The following EPHA2 variants were observed in gnomAD, a reference collection of about 807,000 sequenced individuals.
The protein encoded by EPHA2 is EPH receptor A2, also known as ephrin type-A receptor 2.
EPHA2 carries 54 observed loss-of-function variants against 104.9 expected under a neutral mutation model. The observed-to-expected ratio is 0.51, with a 90% CI of 0.41 to 0.65. The LOEUF (loss-of-function observed/expected upper bound fraction) is 0.65, where lower values mean the gene tolerates loss of function less well. EPHA2 is among the 30% of genes least tolerant of loss of function. The probability of loss-of-function intolerance (pLI) is 0.00; values close to 1 mark genes in which losing one functional copy is unlikely to be tolerated. For missense variants in EPHA2, 1,117 were observed against 1,369.5 expected (o/e 0.82, Z 2.91); for synonymous variants, 560 against 559.1 (o/e 1.00, Z -0.02).
At chr1:16,140,108 G>A (rs2024794544) in intron 3 of EPHA2, among the ~76,000 whole-genome samples, 1 of 152,326 alleles carries the variant, frequency 6.6e-6, no homozygotes, top group East Asian at 1.9e-4. Flanking sequence ...AGGGGAACAG[G>A]ACTCAAAGGA....
Position 16,125,272 on chromosome 1 carries a change from G to A in EPHA2, c.2874C>T (p.Ile958=), listed in dbSNP as rs3754334. 0.27 allele frequency: 440,172 copies of A among 1,613,100 alleles called. 62,352 individuals carry two copies. The highest frequency in any genetic ancestry group is 0.35 in the South Asian group (32,273 of 91,006). Residue 958 remains isoleucine (I), a synonymous_variant, in exon 17 of 17, where the codon ATC becomes ATT. Transcript: ENST00000358432. The surrounding 1 kb of genome is among the most constrained non-coding windows in gnomAD (Gnocchi z 4.9). ...CCTTGAGTCCCAGCAGGCTGTAGGC[G>A]ATGCGCTTCTGGTGGCCGGGCAGCC... is the stretch of plus-strand genomic sequence containing the variant. ...GVRLPGHQKR[I]AYSLLGLKDQ...
chr1:16,130,268 C>T lies in EPHA2; in HGVS notation c.2627G>A (p.Arg876His), dbSNP rs35903225. 0.024 allele frequency: 38,075 copies of T among 1,613,878 alleles called. 560 individuals carry two copies. Among genetic ancestry groups the T allele is most frequent in the Non-Finnish European group, 0.028 (33,441 of 1,179,856 alleles). Residue 876 changes from arginine to histidine, a missense_variant, in exon 15 of 17, where the codon CGT becomes CAT. Arg to His is a conservative substitution (Grantham distance 29, BLOSUM62 0). This residue lies in a region of EPHA2 where 340 missense variants were observed against 480.5 expected (regional missense o/e 0.71). Coordinates refer to ENST00000358432, the MANE Select transcript of EPHA2 (RefSeq NM_004431.5). The surrounding 1 kb of genome is among the most constrained non-coding windows in gnomAD (Gnocchi z 4.5). ...DIVSILDKLI[R>H]APDSLKTLAD... ...CAGGGTCTTGAGGGAGTCAGGGGCA[C>T]GAATGAGCTTGTCCAGGATGCTGAC...
At position 16,150,462 on chromosome 1, in the gene EPHA2, A is replaced by C. The variant is rs1195009512; in HGVS notation, c.153+434T>G. 1.3e-5 allele frequency among the ~76,000 whole-genome samples: 2 copies of C among 152,206 alleles called. No individual in the cohort carries two copies. The highest frequency in any genetic ancestry group is 2.9e-5 in the Non-Finnish European group (2 of 68,042). On this transcript the variant is annotated intron_variant, in intron 2 of 16. Coordinates refer to ENST00000358432, the MANE Select transcript of EPHA2 (RefSeq NM_004431.5). The surrounding 1 kb of genome is among the most constrained non-coding windows in gnomAD (Gnocchi z 4.8). ...TAGAGGTGGGAAAGGGGCGGGCAGG[A>C]AGGAACTTGATCAGGTTTTCCTGTT...
intron 3 of EPHA2, among the ~76,000 whole-genome samples, chr1:16,143,940 G>A (rs2024877722): frequency 6.6e-6 from 1 of 152,116 alleles, no homozygotes; most frequent in Non-Finnish European, 1.5e-5. Flanking sequence ...CTGCCCCCAG[G>A]GCCTGACGGC....
Position 16,131,534 on chromosome 1 carries a change from C to T in EPHA2, c.2475+187G>A, listed in dbSNP as rs1251496293. 6.6e-6 allele frequency among the ~76,000 whole-genome samples: 1 copy of T among 151,836 alleles called. No individual in the cohort carries two copies. Among genetic ancestry groups the T allele is most frequent in the Non-Finnish European group, 1.5e-5 (1 of 68,002 alleles). On this transcript the variant is annotated intron_variant, in intron 14 of 16. Transcript: ENST00000358432. This position sits in a 1 kb window ranked among gnomAD's most constrained non-coding sequence, Gnocchi z 5.2. ...GGTGGAGGTTGCAGTGAACTGAGAT[C>T]ATGCCAGTGAACTCCAGCCTGGGCA...
At position 16,130,137 on chromosome 1, in the gene EPHA2, C is replaced by G. The variant is rs536642070; in HGVS notation, c.2669+89G>C. Reference sequence around the variant, plus strand: ...TAGCCCCCAGCACCCCCCCTACCAGCTTCACCTGGGTGGCCACTCTACCGA... The same window carrying G: ...TAGCCCCCAGCACCCCCCCTACCAGGTTCACCTGGGTGGCCACTCTACCGA... On this transcript the variant is annotated intron_variant, in intron 15 of 16. Transcript: ENST00000358432. The surrounding 1 kb of genome is among the most constrained non-coding windows in gnomAD (Gnocchi z 4.5). 1.2e-5 allele frequency: 19 copies of G among 1,571,724 alleles called. No homozygotes were observed. In the Admixed American group the frequency reaches 3.2e-4, roughly 26 times the overall value.
intron 1 of EPHA2, 42 bp downstream of exon 1, chr1:16,155,806 T>A: frequency 7.4e-7 from 1 of 1,354,856 alleles, no homozygotes; most frequent in Non-Finnish European, 9.5e-7. Context: ...TAGGGGGCAC[T>A]GGGGCCCGGG....
chr1:16,130,448 G>A lies in EPHA2; in HGVS notation c.2476-29C>T, dbSNP rs1266062825. 3 of 1,524,378 alleles carry A rather than the reference G, an allele frequency of 2.0e-6. No individual in the cohort carries two copies. The highest frequency in any genetic ancestry group is 2.8e-5 in the African/African-American group (2 of 72,330). 94.4% of individuals were successfully genotyped at this position (1,524,378 alleles called of 1,614,324 possible). A position where few individuals can be genotyped will look rare whatever the true frequency, so the allele number is the denominator to read the frequency against. On this transcript the variant is annotated intron_variant, in intron 14 of 16. Coordinates refer to ENST00000358432, the MANE Select transcript of EPHA2 (RefSeq NM_004431.5). The surrounding 1 kb of genome is among the most constrained non-coding windows in gnomAD (Gnocchi z 4.5). ...GCGGGGCACGAAGGTCAGGGGCGCT[G>A]TTGCAGAAAGCCACTGAAACCCTCT... is the stretch of plus-strand genomic sequence containing the variant.
At position 16,134,890 on chromosome 1, in the gene EPHA2, G is replaced by T; in HGVS notation, c.1582+146C>A. ...CATGCTTCCCCCTCCCCAGGCTTGG[G>T]GGCAGTCCCCGAAGGGCTGTCCCAG... is the stretch of plus-strand genomic sequence containing the variant. On this transcript the variant is annotated intron_variant, in intron 7 of 16. Transcript: ENST00000358432. The surrounding 1 kb of genome is among the most constrained non-coding windows in gnomAD (Gnocchi z 4.5). The T allele has an allele frequency of 1.5e-6, 2 of 1,301,318 alleles. No individual in the cohort carries two copies. Among genetic ancestry groups the T allele is most frequent in the Non-Finnish European group, 2.1e-6 (2 of 936,834 alleles). The allele number at this position is 1,301,318 out of a possible 1,614,324, so 80.6% of individuals were successfully genotyped here. A position where few individuals can be genotyped will look rare whatever the true frequency, so the allele number is the denominator to read the frequency against.
intron 16 of EPHA2, among the ~76,000 whole-genome samples, chr1:16,127,573 C>T (rs1374420682): frequency 1.3e-5 from 2 of 152,202 alleles, no homozygotes; most frequent in Non-Finnish European, 2.9e-5. Flanking sequence ...GAAAGGCACG[C>T]ATTCCCCTGC....
At position 16,153,297 on chromosome 1, in the gene EPHA2, G is replaced by T. The variant is rs560915685; in HGVS notation, c.86-2334C>A. The T allele has an allele frequency of 6.8e-5, 67 of 985,302 alleles. 1 individual carries two copies. The African/African-American group carries it at 1.1e-3, about 16-fold the overall frequency. The allele number at this position is 985,302 out of a possible 1,614,324, so 61.0% of individuals were successfully genotyped here. A position where few individuals can be genotyped will look rare whatever the true frequency, so the allele number is the denominator to read the frequency against. On this transcript the variant is annotated intron_variant, in intron 1 of 16. Transcript: ENST00000358432. ...CCTCCGAGGCTGTGGTTCCCTCCCCGCTTCCCCCATTCCTCTCTAACCAAG... is the reference window on the plus strand; with the variant it reads ...CCTCCGAGGCTGTGGTTCCCTCCCCTCTTCCCCCATTCCTCTCTAACCAAG...
At chr1:16,133,764 C>T (rs2024626980) in intron 9 of EPHA2, 96 bp downstream of exon 9, 1 of 1,490,596 alleles carries the variant, frequency 6.7e-7, no homozygotes, top group South Asian at 1.3e-5. Context: ...TGGCCCCACC[C>T]CAGTGCCCTG....
Position 16,138,391 on chromosome 1 carries a change from C to G in EPHA2, c.863G>C (p.Ser288Thr). The change falls in exon 4 of 17, where the codon AGC becomes ACC. Residue 288 changes from serine to threonine, a missense_variant. Ser to Thr is a moderately conservative substitution (Grantham distance 58). This residue lies in a region of EPHA2 where 664 missense variants were observed against 784.8 expected (regional missense o/e 0.85). Coordinates refer to ENST00000358432, the MANE Select transcript of EPHA2 (RefSeq NM_004431.5). ...GTGCTCAGGGCACTCCAAGCAGGGGCTCTCAGATGCCTCAAACTTAAAAAA... is the reference window on the plus strand; with the variant it reads ...GTGCTCAGGGCACTCCAAGCAGGGGGTCTCAGATGCCTCAAACTTAAAAAA... Reference protein sequence around the residue: ...PGFFKFEASESPCLECPEHTL... With the variant: ...PGFFKFEASETPCLECPEHTL... The G allele has an allele frequency of 6.2e-7, 1 of 1,613,848 alleles. No individual in the cohort carries two copies. The highest frequency in any genetic ancestry group is 1.3e-5 in the African/African-American group (1 of 75,046).
At chr1:16,155,124 C>T (rs2124280500) in intron 1 of EPHA2, 1 of 152,412 alleles carries the variant, frequency 6.6e-6, no homozygotes, top group Middle Eastern at 3.4e-3. Context: ...GCTGACAGCT[C>T]CACACCTTGG....
chr1:16,136,710 AGAAAAG>A (rs1323272372), intron 5 of EPHA2, among the ~76,000 whole-genome samples: 153 of 91,472 alleles, frequency 1.7e-3, no homozygotes, highest in African/African-American at 2.1e-3. Context: ...AAGAAGAAGA[AGAAAAG>A]AAGAAGAAGA....
chr1:16,132,320 A>T (rs768491047), intron 12 of EPHA2, 47 bp from the exon 13 acceptor site: 1 of 1,614,034 alleles, frequency 6.2e-7, no homozygotes, highest in East Asian at 2.2e-5. Flanking sequence ...TGAACCCGCC[A>T]GGCCAGCCCC....
Position 16,124,800 on chromosome 1 carries a change from T to C in EPHA2, c.*415A>G, listed in dbSNP as rs2024434690. On this transcript the variant is annotated 3_prime_UTR_variant, in exon 17 of 17. Transcript: ENST00000358432. ...CAGTCAAGTTCACAGTCTGCCCTCT[T>C]AGTGTGAGGAAATGGGGCTTGAGGT... is the stretch of plus-strand genomic sequence containing the variant. 4.6e-6 allele frequency: 1 copy of C among 215,588 alleles called. No individual in the cohort carries two copies. Among genetic ancestry groups the C allele is most frequent in the Non-Finnish European group, 9.7e-6 (1 of 103,480 alleles). The allele number at this position is 215,588 out of a possible 1,614,324, so 13.4% of individuals were successfully genotyped here.
rs558875296 is a variant in EPHA2 at position 16,128,824 on chromosome 1, A to C, written c.2825+610T>G. Among the ~76,000 whole-genome samples the C allele has an allele frequency of 6.6e-6, 1 of 152,206 alleles. No homozygotes were observed. Among genetic ancestry groups the C allele is most frequent in the African/African-American group, 2.4e-5 (1 of 41,554 alleles). ...GGGACTGCAGGCTGAGAGCCAACCA[A>C]GTGGAGAGAGGTGCCCGGGGTAGGC... On this transcript the variant is annotated intron_variant, in intron 16 of 16. Transcript: ENST00000358432. This position sits in a 1 kb window ranked among gnomAD's most constrained non-coding sequence, Gnocchi z 4.7.
chr1:16,144,936 T>C (rs919803458), intron 3 of EPHA2, among the ~76,000 whole-genome samples: 1 of 152,228 alleles, frequency 6.6e-6, no homozygotes, highest in Non-Finnish European at 1.5e-5. Flanking sequence ...ATGTCCAGCA[T>C]GGTGCCTGGA....
Sources: allele counts gnomAD v4.1 joint callset (sites outside exome capture counted in the v4.1 genomes callset), GRCh38; gene constraint gnomAD v4.1.1; regional missense constraint gnomAD v4.1.1; non-coding constraint Gnocchi (gnomAD v3.1); transcripts MANE v1.5; gene names NCBI Gene and HGNC (gene_info 2026-07-23, HGNC 2026-07-21).